DNA2: variants seen among roughly 807,000 people sequenced by gnomAD.
The protein encoded by DNA2 is DNA replication helicase/nuclease 2.
Under a neutral mutation model 119.1 loss-of-function variants are expected in DNA2, and 101 were observed. That is an observed-to-expected ratio of 0.85 (90% CI 0.72 to 1.00). DNA2 has a LOEUF of 1.00. DNA2 is among the 50% of genes least tolerant of loss of function. DNA2 has a pLI of 0.00. For missense variants in DNA2, 1,121 were observed against 1,255.5 expected, an observed-to-expected ratio of 0.89 and a Z score of 1.62; for synonymous variants, 366 against 424.4, an observed-to-expected ratio of 0.86 and a Z score of 1.69.
rs375496528 is a variant in DNA2, at chr10:68,437,000, C to T, written c.1646+11G>A. 79 of 1,584,406 alleles carry T rather than the reference C, an allele frequency of 5.0e-5. No individual in the cohort carries two copies. The highest frequency in any genetic ancestry group is 2.9e-5 in the Non-Finnish European group (34 of 1,160,252). ...ATAAAGCTGTTATCAAAAAAAGTAACATTTCATTACCTGTCTAATAAACAA... is the reference window on the plus strand; with the variant it reads ...ATAAAGCTGTTATCAAAAAAAGTAATATTTCATTACCTGTCTAATAAACAA... On this transcript the variant is annotated intron_variant, in intron 10 of 20. Coordinates refer to ENST00000358410, the MANE Select transcript of DNA2 (RefSeq NM_001080449.3).
chr10:68,461,828 C>CAAAAAAAAAAAAAAAAAAAAAAAAAAAA (rs554059657), intron 4 of DNA2, among the ~76,000 whole-genome samples: 1 of 70,282 alleles, frequency 1.4e-5, no homozygotes, highest in Non-Finnish European at 3.3e-5. Flanking sequence ...AACTCCGTCT[C>CAAAAAAAAAAAAAAAAAAAAAAAAAAAA]AAAAAAAAAA....
At chr10:68,447,243 C>T (rs534216505) in intron 6 of DNA2, among the ~76,000 whole-genome samples, 246 of 152,096 alleles carry the variant, frequency 1.6e-3, no homozygotes, top group African/African-American at 5.7e-3. Context: ...CACGGCTGGG[C>T]GTGGTGGCTC....
In DNA2 at chr10:68,432,556, A is replaced by C. The variant is rs746324414; in HGVS notation, c.1647-46T>G. The C allele has an allele frequency of 1.0e-5, 11 of 1,051,440 alleles. No individual in the cohort carries two copies. The Admixed American group carries it at 2.6e-4, about 25-fold the overall frequency. The allele number at this position is 1,051,440 out of a possible 1,614,324, so 65.1% of individuals were successfully genotyped here. ...TACATGAATGCTCGCCATTTCGCAT[A>C]GTCTGTATAAGAAATATGCTGCTAT... On this transcript the variant is annotated intron_variant, in intron 10 of 20. Coordinates refer to ENST00000358410, the MANE Select transcript of DNA2 (RefSeq NM_001080449.3).
At chr10:68,457,024 C>T (rs1213627117) in intron 5 of DNA2, among the ~76,000 whole-genome samples, 1 of 151,624 alleles carries the variant, frequency 6.6e-6, no homozygotes, top group African/African-American at 2.4e-5. Flanking sequence ...GTCCCAGCTA[C>T]TCAGGAGGCT....
At chr10:68,444,562 T>A (rs1219856344) in intron 8 of DNA2, among the ~76,000 whole-genome samples, 1 of 151,180 alleles carries the variant, frequency 6.6e-6, no homozygotes. Flanking sequence ...TCTTCTCTAC[T>A]AAAAATACAA....
intron 20 of DNA2, among the ~76,000 whole-genome samples, 163 bp from the exon 21 acceptor site, chr10:68,415,270 TTTATC>T (rs1422917671): frequency 6.7e-6 from 1 of 150,008 alleles, no homozygotes; most frequent in Non-Finnish European, 1.5e-5. Context: ...ACAGGAGTTA[TTTATC>T]TTTTTTTTTT....
At chr10:68,417,010 G>A (rs147834729) in intron 19 of DNA2, among the ~76,000 whole-genome samples, 155 bp from the exon 20 acceptor site, 2 of 152,214 alleles carry the variant, frequency 1.3e-5, no homozygotes, top group African/African-American at 2.4e-5. Context: ...TTGGGAGGCC[G>A]AGGCAGGTGG....
chr10:68,453,600 C>CCTAGTGA (rs1358596024), intron 5 of DNA2, among the ~76,000 whole-genome samples: 1 of 152,178 alleles, frequency 6.6e-6, no homozygotes, highest in Non-Finnish European at 1.5e-5. Flanking sequence ...CTAAAAAATT[C>CCTAGTGA]CATTGCCTAG....
In DNA2 at chr10:68,415,057, A is replaced by G. The variant is rs1274843426; in HGVS notation, c.3165T>C (p.Gly1055=). The part of the protein sequence containing the change: ...REHESLCHIL[G]DFQRE ...TAGTGTTTTATTCTCTTTGAAAGTCACCCAATATGTGGCAAAGACTTTCAT... is the reference window on the plus strand; with the variant it reads ...TAGTGTTTTATTCTCTTTGAAAGTCGCCCAATATGTGGCAAAGACTTTCAT... Residue 1055 remains glycine (G), a synonymous_variant, in exon 21 of 21, where the codon GGT becomes GGC. Transcript: ENST00000358410. 1 of 1,580,886 alleles carries G rather than the reference A, an allele frequency of 6.3e-7. No homozygotes were observed. Among genetic ancestry groups the G allele is most frequent in the Non-Finnish European group, 8.6e-7 (1 of 1,161,238 alleles).
chr10:68,439,084 A>G (rs553854388), intron 9 of DNA2, among the ~76,000 whole-genome samples: 10 of 151,466 alleles, frequency 6.6e-5, no homozygotes, highest in African/African-American at 2.4e-4. Context: ...AACTAAAACA[A>G]GTTACGTTTT....
intron 14 of DNA2, chr10:68,424,429 A>C: frequency 6.0e-6 from 3 of 502,586 alleles, no homozygotes; most frequent in Non-Finnish European, 1.1e-5. Context: ...ACTTGAGCCA[A>C]GGAGGTCGAG....
chr10:68,468,893 T>C (rs1332946984), intron 2 of DNA2, among the ~76,000 whole-genome samples: 1 of 151,950 alleles, frequency 6.6e-6, no homozygotes, highest in African/African-American at 2.4e-5. Context: ...CTACTAAAAA[T>C]ACAAAAATTA....
rs2052387609 is a variant in DNA2, at chr10:68,471,945, A to G, written c.-81T>C. ...CACAGAAAGCTTAGAAAAGGGAAAA[A>G]GGCGCGAGCCTGCGCACCTCGCGCG... On this transcript the variant is annotated 5_prime_UTR_variant, in exon 1 of 21. Transcript: ENST00000358410. 1.9e-6 allele frequency: 3 copies of G among 1,612,752 alleles called. No homozygotes were observed. The highest frequency in any genetic ancestry group is 2.5e-6 in the Non-Finnish European group (3 of 1,179,098).
chr10:68,447,841 G>A (rs13328747), intron 6 of DNA2, among the ~76,000 whole-genome samples: 21,764 of 151,406 alleles, frequency 0.14, 2,311 homozygotes, highest in African/African-American at 0.29. Context: ...AAAATTAGCC[G>A]GGCGTGGTGG....
At chr10:68,457,009 C>T (rs1459158982) in intron 5 of DNA2, among the ~76,000 whole-genome samples, 2 of 151,762 alleles carry the variant, frequency 1.3e-5, no homozygotes, top group Non-Finnish European at 2.9e-5. Context: ...TGGCAGGCAC[C>T]TGTAGTCCCA....
At chr10:68,436,763 G>C in intron 10 of DNA2, 1 of 344,772 alleles carries the variant, frequency 2.9e-6, no homozygotes, top group Non-Finnish European at 5.2e-6. Context: ...ACAGAAAGCA[G>C]GTTAGTGGTT....
chr10:68,454,119 G>A (rs531754499), intron 5 of DNA2, among the ~76,000 whole-genome samples: 2 of 152,070 alleles, frequency 1.3e-5, no homozygotes, highest in South Asian at 4.2e-4. Flanking sequence ...TTAACTGCCA[G>A]GGTCCCATGC....
intron 9 of DNA2, among the ~76,000 whole-genome samples, chr10:68,440,599 G>C (rs1179937375): frequency 6.6e-6 from 1 of 151,230 alleles, no homozygotes; most frequent in Non-Finnish European, 1.5e-5. Context: ...GCCCAGCCCA[G>C]AGCAAGACTT....
intron 6 of DNA2, 43 bp downstream of exon 6, chr10:68,449,985 A>G: frequency 7.1e-7 from 1 of 1,408,798 alleles, no homozygotes; most frequent in Non-Finnish European, 9.6e-7. Flanking sequence ...AAAAAAAAAA[A>G]AAAAAAGTAT....
Sources: allele counts gnomAD v4.1 joint callset (sites outside exome capture counted in the v4.1 genomes callset), GRCh38; gene constraint gnomAD v4.1.1; transcripts MANE v1.5; gene names NCBI Gene and HGNC (gene_info 2026-07-23, HGNC 2026-07-21).